The following FAT1 variants were observed in gnomAD, a reference collection of about 807,000 sequenced individuals.
The protein encoded by FAT1 is protocadherin Fat 1.
A neutral mutation model predicts 329.8 loss-of-function variants in FAT1; 171 were observed. The ratio of observed to expected loss-of-function variants is 0.52; its 90% CI spans 0.46 to 0.59. FAT1 has a LOEUF of 0.59. FAT1 is among the 20% of genes least tolerant of loss of function. The pLI is 0.00. For synonymous variants in FAT1, 2,233 were observed against 2,228.6 expected (o/e 1.00, Z -0.06); for missense variants, 5,672 against 5,774.4 (o/e 0.98, Z 0.57).
rs2126466668 is a variant in FAT1 at position 186,611,432 on chromosome 4, T to C, written c.9807A>G (p.Ile3269Met). 6.2e-7 allele frequency: 1 copy of C among 1,613,858 alleles called. No individual in the cohort carries two copies. The highest frequency in any genetic ancestry group is 8.5e-7 in the Non-Finnish European group (1 of 1,179,826). ...ATTTCCCATGTTCATTTCCACTTATTATTGAGTAGGTGATTTCTGCATTTG... is the reference window on the plus strand; with the variant it reads ...ATTTCCCATGTTCATTTCCACTTATCATTGAGTAGGTGATTTCTGCATTTG... ...IEANAEITYS[I>M]ISGNEHGKFS... Residue 3269 changes from isoleucine (I) to methionine (M), a missense_variant, in exon 14 of 27, where the codon ATA (isoleucine) becomes ATG (methionine). Physicochemically the swap from Ile to Met is conservative, Grantham distance 10 (BLOSUM62 1). Coordinates refer to ENST00000441802, the MANE Select transcript of FAT1 (RefSeq NM_005245.4).
intron 2 of FAT1, among the ~76,000 whole-genome samples, chr4:186,672,081 G>A (rs1193025693): frequency 6.6e-6 from 1 of 152,104 alleles, no homozygotes; most frequent in East Asian, 1.9e-4. Flanking sequence ...CTTCACTGGT[G>A]TTGCTAATCA....
Position 186,620,485 on chromosome 4 carries a change from G to T in FAT1, c.6101C>A (p.Thr2034Asn), listed in dbSNP as rs2126516113. Residue 2034 changes from threonine (T) to asparagine (N), a missense_variant, in exon 10 of 27, where the codon ACC (threonine) becomes AAC (asparagine). Physicochemically the swap from Thr to Asn is moderately conservative, Grantham distance 65. Transcript: ENST00000441802. ...KISRTSGVLS[T>N]TGTPFDREQQ... is the part of the protein sequence containing the mutation. ...CTCACGATCGAAGGGCGTGCCAGTG[G>T]TTGACAGAACTCCTGAAGTGCGGCT... is the stretch of plus-strand genomic sequence containing the variant. The T allele has an allele frequency of 6.2e-7, 1 of 1,614,026 alleles. No individual in the cohort carries two copies. The highest frequency in any genetic ancestry group is 2.2e-5 in the East Asian group (1 of 44,890).
In FAT1 at chr4:186,636,184, G is replaced by A. The variant is rs1031625322; in HGVS notation, c.4024C>T (p.His1342Tyr). The A allele has an allele frequency of 6.2e-7, 1 of 1,614,008 alleles. No homozygotes were observed. Among genetic ancestry groups the A allele is most frequent in the Admixed American group, 1.7e-5 (1 of 60,032 alleles). Residue 1342 changes from histidine (H) to tyrosine (Y), a missense_variant, in exon 6 of 27, where the codon CAT (histidine) becomes TAT (tyrosine). His to Tyr is a moderately conservative substitution (Grantham distance 83). Around this residue, in one of 2 missense-constraint regions of FAT1, gnomAD observed 3,966 missense variants for 3,915.2 expected, o/e 1.01. Transcript: ENST00000441802. ...TTGGGCTTGGAGATCCATTCAATAT[G>A]GAGTCTGGTGGTTGATGACTTTTGA... Reference protein sequence around the residue: ...RPQKSSTTRLHIEWISKPKPS... With the variant: ...RPQKSSTTRLYIEWISKPKPS...
chr4:186,610,890 T>C (rs1379507120), intron 14 of FAT1, among the ~76,000 whole-genome samples: 3 of 151,736 alleles, frequency 2.0e-5, no homozygotes, highest in Non-Finnish European at 4.4e-5. Context: ...TTGGCGGTCT[T>C]TCCCTAACTG....
In FAT1 at chr4:186,618,609, C is replaced by A. The variant is rs796294143; in HGVS notation, c.7977G>T (p.Glu2659Asp). The change falls in exon 10 of 27, where the codon GAG becomes GAT. Residue 2659 changes from glutamate to aspartate, a missense_variant. Physicochemically the swap from Glu to Asp is conservative, Grantham distance 45. This residue lies in a region of FAT1 where 3,966 missense variants were observed against 3,915.2 expected (regional missense o/e 1.01). Transcript: ENST00000441802. ...ATTCATTTTCCAAGCCAATGAGGCT[C>A]TCCTTTGTAGTGATTACGCCGGACA... ...NKLSGVITTK[E>D]SLIGLENEFF... The A allele has an allele frequency of 1.2e-6, 2 of 1,614,052 alleles. No individual in the cohort carries two copies. The highest frequency in any genetic ancestry group is 2.7e-5 in the African/African-American group (2 of 75,070).
At chr4:186,636,502 A>G (rs1227401252) in intron 5 of FAT1, 83 bp downstream of exon 5, 8 of 1,390,852 alleles carry the variant, frequency 5.8e-6, no homozygotes, top group African/African-American at 1.4e-5. Context: ...ACAAAATAGA[A>G]ATAAAGTTAC....
At chr4:186,692,470 G>C (rs575490975) in intron 2 of FAT1, among the ~76,000 whole-genome samples, 1 of 152,012 alleles carries the variant, frequency 6.6e-6, no homozygotes, top group Admixed American at 6.5e-5. Flanking sequence ...CCGCCACCAC[G>C]CCCGGCTAAT....
At chr4:186,645,962 A>AAAAAC (rs58163933) in intron 3 of FAT1, among the ~76,000 whole-genome samples, 3 of 94,518 alleles carry the variant, frequency 3.2e-5, no homozygotes, top group African/African-American at 4.7e-5. Flanking sequence ...AAAAAAAAAA[A>AAAAAC]ATATATACAC....
chr4:186,612,113 CTTT>C, intron 13 of FAT1, among the ~76,000 whole-genome samples: 1 of 124,316 alleles, frequency 8.0e-6, no homozygotes, highest in Admixed American at 8.5e-5. Flanking sequence ...CCGGCCAACG[CTTT>C]TTTTTTTTTT....
In FAT1 at chr4:186,704,061, T is replaced by C. The variant is rs187218611; in HGVS notation, c.3265+2502A>G. Among the ~76,000 whole-genome samples the C allele has an allele frequency of 4.8e-3, 733 of 152,368 alleles. 2 individuals carry two copies. The highest frequency in any genetic ancestry group is 8.0e-3 in the Non-Finnish European group (541 of 68,042). Reference sequence around the variant, plus strand: ...AATGTGTAAATATTATTCTATCACTTTTGTTCATTTCCAAAAGCATATAAA... The same window carrying C: ...AATGTGTAAATATTATTCTATCACTCTTGTTCATTTCCAAAAGCATATAAA... On this transcript the variant is annotated intron_variant, in intron 2 of 26. Coordinates refer to ENST00000441802, the MANE Select transcript of FAT1 (RefSeq NM_005245.4).
intron 9 of FAT1, among the ~76,000 whole-genome samples, chr4:186,627,785 A>T (rs1740386210): frequency 6.6e-6 from 1 of 152,184 alleles, no homozygotes; most frequent in Non-Finnish European, 1.5e-5. Context: ...TGAAACGTTA[A>T]ATTACTAGGC....
intron 5 of FAT1, 132 bp from the exon 6 acceptor site, chr4:186,636,367 G>C (rs1446476865): frequency 1.1e-6 from 1 of 891,508 alleles, no homozygotes; most frequent in Non-Finnish European, 1.7e-6. Flanking sequence ...TCTGTGTATG[G>C]AATGCCTGAC....
At chr4:186,616,882 G>T in intron 11 of FAT1, 123 bp downstream of exon 11, 1 of 826,636 alleles carries the variant, frequency 1.2e-6, no homozygotes, top group Non-Finnish European at 1.9e-6. Context: ...TAACACCTCT[G>T]CTTAATCAGT....
intron 2 of FAT1, among the ~76,000 whole-genome samples, chr4:186,667,994 A>AGTGT (rs1201046958): frequency 6.6e-6 from 1 of 152,186 alleles, no homozygotes; most frequent in Non-Finnish European, 1.5e-5. Flanking sequence ...CCATGAGGAA[A>AGTGT]GGCCACAAGG....
chr4:186,664,949 C>T (rs1356944533), intron 2 of FAT1, among the ~76,000 whole-genome samples: 3 of 152,106 alleles, frequency 2.0e-5, no homozygotes, highest in Admixed American at 6.5e-5. Flanking sequence ...TGTTGCAATT[C>T]GTAATTTTGA....
chr4:186,709,307 G>C lies in FAT1; in HGVS notation c.521C>G (p.Thr174Arg), dbSNP rs770823750. Residue 174 changes from threonine (T) to arginine (R), a missense_variant, in exon 2 of 27, where the codon ACG becomes AGG. Physicochemically the swap from Thr to Arg is moderately conservative, Grantham distance 71. Coordinates refer to ENST00000441802, the MANE Select transcript of FAT1 (RefSeq NM_005245.4). ...IRTSIARVSA[T>R]DADIGTNGEF... ...CCCGTTGGTTCCTATGTCTGCATCC[G>C]TGGCGCTGACTCTTGCGATACTGGT... The C allele has an allele frequency of 6.2e-7, 1 of 1,613,928 alleles. No individual in the cohort carries two copies. The highest frequency in any genetic ancestry group is 8.5e-7 in the Non-Finnish European group (1 of 1,179,888).
At position 186,613,286 on chromosome 4, in the gene FAT1, G is replaced by C. The variant is rs200812915; in HGVS notation, c.9286C>G (p.Leu3096Val). Reference sequence around the variant, plus strand: ...CCTCCTCCATCTGTGGCCCTGACGAGAAGATGATAAACAGCTTGCTCCTCA... The same window carrying C: ...CCTCCTCCATCTGTGGCCCTGACGACAAGATGATAAACAGCTTGCTCCTCA... ...DREEQAVYHLLVRATDGGGRF... is the reference protein window; with the variant it reads ...DREEQAVYHLVVRATDGGGRF... The change falls in exon 13 of 27, where the codon CTC (leucine) becomes GTC (valine). Residue 3096 changes from leucine to valine, a missense_variant. Around this residue, in one of 2 missense-constraint regions of FAT1, gnomAD observed 3,966 missense variants for 3,915.2 expected, o/e 1.01. Transcript: ENST00000441802. 2 of 1,614,030 alleles carry C rather than the reference G, an allele frequency of 1.2e-6. No homozygotes were observed. The highest frequency in any genetic ancestry group is 2.2e-5 in the East Asian group (1 of 44,884).
chr4:186,712,907 C>G (rs1053224093), intron 1 of FAT1, among the ~76,000 whole-genome samples: 1 of 101,406 alleles, frequency 9.9e-6, no homozygotes, highest in South Asian at 4.0e-4. Flanking sequence ...AAAGAGACCA[C>G]GTGGCTGGAG....
intron 1 of FAT1, among the ~76,000 whole-genome samples, chr4:186,711,857 T>C (rs1004292975): frequency 6.6e-5 from 10 of 152,092 alleles, no homozygotes; most frequent in African/African-American, 2.4e-4. Context: ...GAGGCAGAGA[T>C]TGCAGTGAGC....
Sources: allele counts gnomAD v4.1 joint callset (sites outside exome capture counted in the v4.1 genomes callset), GRCh38; gene constraint gnomAD v4.1.1; regional missense constraint gnomAD v4.1.1; transcripts MANE v1.5; gene names NCBI Gene and HGNC (gene_info 2026-07-23, HGNC 2026-07-21).